The following NEDD4 variants were observed in gnomAD, a reference collection of about 807,000 sequenced individuals.
NEDD4 encodes E3 ubiquitin-protein ligase NEDD4.
NEDD4 carries 99 observed loss-of-function variants against 144.9 expected under a neutral mutation model. The ratio of observed to expected loss-of-function variants is 0.68; its 90% CI spans 0.58 to 0.81. NEDD4 has a LOEUF of 0.81. NEDD4 is among the 30% of genes least tolerant of loss of function. The pLI, the probability that NEDD4 is intolerant of heterozygous loss-of-function variation, is 0.00. For missense variants in NEDD4, 985 were observed against 1,065.9 expected (o/e 0.92, Z 1.06); for synonymous variants, 318 against 350.6 (o/e 0.91, Z 1.04).
intron 8 of NEDD4, among the ~76,000 whole-genome samples, chr15:55,867,332 T>C (rs2034619934): frequency 1.3e-5 from 2 of 152,070 alleles, no homozygotes; most frequent in African/African-American, 4.8e-5. Flanking sequence ...AGCTTACATC[T>C]CCTGAAATTA....
intron 15 of NEDD4, 72 bp from the exon 16 acceptor site, chr15:55,848,647 T>C (rs769143978): frequency 9.8e-5 from 135 of 1,382,638 alleles, no homozygotes; most frequent in South Asian, 1.5e-4. Flanking sequence ...ATAGCACTGG[T>C]TGTATGGTTA....
chr15:55,984,562 T>C (rs985989154), intron 1 of NEDD4, among the ~76,000 whole-genome samples: 3 of 152,202 alleles, frequency 2.0e-5, no homozygotes, highest in South Asian at 2.1e-4. Context: ...ACGGCCATGA[T>C]TGTTTGTTCA....
In NEDD4 at chr15:55,829,567, G is replaced by C. The variant is rs1478017269; in HGVS notation, c.*330C>G. On this transcript the variant is annotated 3_prime_UTR_variant, in exon 29 of 29. Transcript: ENST00000435532. ...ACTGCCTGGCAGATACTATACAAGA[G>C]GTAAATGTTAAGGACAAAATTCACT... 1 of 182,292 alleles carries C rather than the reference G, an allele frequency of 5.5e-6. No individual in the cohort carries two copies. The highest frequency in any genetic ancestry group is 1.2e-5 in the Non-Finnish European group (1 of 86,634). The allele number at this position is 182,292 out of a possible 1,614,324, so 11.3% of individuals were successfully genotyped here.
chr15:55,886,338 G>T (rs1452440071), intron 5 of NEDD4, among the ~76,000 whole-genome samples: 1 of 152,166 alleles, frequency 6.6e-6, no homozygotes, highest in African/African-American at 2.4e-5. Context: ...CTGCACTACA[G>T]ACCAAATGGA....
At chr15:55,949,559 C>T (rs565130754) in intron 4 of NEDD4, among the ~76,000 whole-genome samples, 2 of 152,260 alleles carry the variant, frequency 1.3e-5, no homozygotes, top group East Asian at 3.9e-4. Context: ...CCCAAATGTC[C>T]ATCAATAATA....
At chr15:55,951,266 G>T in intron 4 of NEDD4, 110 bp downstream of exon 4, 1 of 536,266 alleles carries the variant, frequency 1.9e-6, no homozygotes, top group Non-Finnish European at 3.2e-6. Flanking sequence ...CACAACTTTA[G>T]GCAAATTCTG....
At chr15:55,956,870 C>G (rs2037346869) in intron 2 of NEDD4, among the ~76,000 whole-genome samples, 1 of 152,060 alleles carries the variant, frequency 6.6e-6, no homozygotes, top group African/African-American at 2.4e-5. Context: ...GGGATTGTGC[C>G]AAATCTAATC....
rs2032787716 is a variant in NEDD4, at chr15:55,828,354, T to TA, written c.*1542dup. ...TACAATTATTCCTAAATCACCAAGATACCATACTGAGAAATAGGTTTAATC... is the reference window on the plus strand; with the variant it reads ...TACAATTATTCCTAAATCACCAAGATAACCATACTGAGAAATAGGTTTAATC... On this transcript the variant is annotated 3_prime_UTR_variant, in exon 29 of 29. Transcript: ENST00000435532. 6.6e-6 allele frequency: 1 copy of TA among 152,178 alleles called. No individual in the cohort carries two copies. 9.4% of individuals were successfully genotyped at this position (152,178 alleles called of 1,614,324 possible). A position where few individuals can be genotyped will look rare whatever the true frequency, so the allele number is the denominator to read the frequency against.
chr15:55,979,941 C>T (rs1299726813), intron 1 of NEDD4, among the ~76,000 whole-genome samples: 1 of 150,616 alleles, frequency 6.6e-6, no homozygotes, highest in Non-Finnish European at 1.5e-5. Context: ...GATGGAGTCT[C>T]GCTTTGTCGC....
intron 5 of NEDD4, chr15:55,915,354 T>G: frequency 1.2e-6 from 2 of 1,613,370 alleles, no homozygotes; most frequent in Non-Finnish European, 1.7e-6. Context: ...CACTTTACCT[T>G]CATTTCCAGA....
chr15:55,850,045 C>A (rs1029263260), intron 14 of NEDD4, among the ~76,000 whole-genome samples: 1 of 151,908 alleles, frequency 6.6e-6, no homozygotes, highest in African/African-American at 2.4e-5. Flanking sequence ...GTGATCTCCC[C>A]CCTCGGCCTC....
chr15:55,870,030 T>C (rs1002712442), intron 7 of NEDD4, among the ~76,000 whole-genome samples: 5 of 151,924 alleles, frequency 3.3e-5, no homozygotes, highest in African/African-American at 1.2e-4. Context: ...AAAAGGCATA[T>C]GAGTAAAGAA....
chr15:55,841,861 G>A (rs1287928622), intron 19 of NEDD4, 73 bp downstream of exon 19: 1 of 1,307,748 alleles, frequency 7.6e-7, no homozygotes, highest in Non-Finnish European at 1.1e-6. Context: ...ATGAGCCACT[G>A]CACCCGGCCG....
chr15:55,876,420 T>C (rs2034996195), intron 5 of NEDD4, among the ~76,000 whole-genome samples: 1 of 152,006 alleles, frequency 6.6e-6, no homozygotes, highest in South Asian at 2.1e-4. Context: ...AAAAAAATTG[T>C]ATCGCTATAC....
intron 1 of NEDD4, among the ~76,000 whole-genome samples, chr15:55,988,830 A>C (rs2037941314): frequency 2.0e-5 from 3 of 152,186 alleles, no homozygotes; most frequent in Non-Finnish European, 4.4e-5. Flanking sequence ...GAAAATGGCA[A>C]AAAAAGGTGA....
chr15:55,889,674 A>G (rs2035503471), intron 5 of NEDD4, among the ~76,000 whole-genome samples: 1 of 151,980 alleles, frequency 6.6e-6, no homozygotes, highest in Non-Finnish European at 1.5e-5. Flanking sequence ...TTAGTCAAAA[A>G]TAATTTAATT....
At chr15:55,922,983 G>C (rs2036596655) in intron 5 of NEDD4, among the ~76,000 whole-genome samples, 2 of 151,772 alleles carry the variant, frequency 1.3e-5, no homozygotes, top group South Asian at 4.2e-4. Flanking sequence ...CATCTAGAAG[G>C]GACCAGCCTG....
intron 1 of NEDD4, among the ~76,000 whole-genome samples, chr15:55,980,973 T>C (rs912107276): frequency 1.3e-5 from 2 of 151,148 alleles, no homozygotes; most frequent in African/African-American, 2.4e-5. Flanking sequence ...TGTATTTATA[T>C]AGGGTAATAA....
intron 1 of NEDD4, among the ~76,000 whole-genome samples, chr15:55,986,580 C>CTTTTTTT (rs58470215): frequency 3.3e-4 from 25 of 76,434 alleles, no homozygotes; most frequent in Non-Finnish European, 4.2e-4. Flanking sequence ...CCTGTCCTTG[C>CTTTTTTT]TTTTTTTTTT....
Sources: allele counts gnomAD v4.1 joint callset (sites outside exome capture counted in the v4.1 genomes callset), GRCh38; gene constraint gnomAD v4.1.1; transcripts MANE v1.5; gene names NCBI Gene and HGNC (gene_info 2026-07-23, HGNC 2026-07-21).